The following CTDSPL2 variants were observed in gnomAD, a reference collection of about 807,000 sequenced individuals.
CTDSPL2 encodes CTD small phosphatase-like protein 2.
A neutral mutation model predicts 60.0 loss-of-function variants in CTDSPL2; 5 were observed. That is an observed-to-expected ratio of 0.08 (90% CI 0.04 to 0.18). CTDSPL2 has a LOEUF of 0.18. CTDSPL2 is among the 10% of genes least tolerant of loss of function. The pLI is 1.00. For missense variants in CTDSPL2, 370 were observed against 548.8 expected, an observed-to-expected ratio of 0.67 and a Z score of 3.26; for synonymous variants, 186 against 189.3, an observed-to-expected ratio of 0.98 and a Z score of 0.14.
chr15:44,506,009 T>G lies in CTDSPL2; in HGVS notation c.969+6196T>G, dbSNP rs889786070. Among the ~76,000 whole-genome samples the G allele has an allele frequency of 2.2e-4, 33 of 151,354 alleles. 1 individual carries two copies. Among genetic ancestry groups the G allele is most frequent in the Admixed American group, 1.5e-3 (22 of 15,172 alleles). The stretch of plus-strand genomic sequence containing the variant: ...TGGCCAATTTTTCCCTGATGAAAAT[T>G]ATGCTTCATTGGTAACTTTTTTTTT... On this transcript the variant is annotated intron_variant, in intron 8 of 12. Transcript: ENST00000260327.
At chr15:44,502,475 C>T (rs2081396296) in intron 8 of CTDSPL2, among the ~76,000 whole-genome samples, 1 of 151,982 alleles carries the variant, frequency 6.6e-6, no homozygotes, top group Admixed American at 6.6e-5. Flanking sequence ...GGGTTGGCAA[C>T]CTTTTTCTAT....
At chr15:44,457,889 G>A (rs2080482104) in intron 1 of CTDSPL2, among the ~76,000 whole-genome samples, 3 of 152,204 alleles carry the variant, frequency 2.0e-5, no homozygotes, top group Admixed American at 6.5e-5. Flanking sequence ...TGGGATTACA[G>A]GTGTGAGCCA....
At chr15:44,442,437 ACT>A (rs1233831173) in intron 1 of CTDSPL2, among the ~76,000 whole-genome samples, 1 of 146,300 alleles carries the variant, frequency 6.8e-6, no homozygotes, top group Admixed American at 6.9e-5. Context: ...ACAGAGCAAG[ACT>A]CTGTCTCAAA....
intron 8 of CTDSPL2, among the ~76,000 whole-genome samples, chr15:44,502,760 A>C (rs1190763899): frequency 6.6e-6 from 1 of 152,168 alleles, no homozygotes; most frequent in African/African-American, 2.4e-5. Context: ...AATTCTTGTA[A>C]ATGTATGTAG....
intron 2 of CTDSPL2, among the ~76,000 whole-genome samples, chr15:44,476,327 A>G (rs1218187635): frequency 6.6e-6 from 1 of 152,204 alleles, no homozygotes; most frequent in South Asian, 2.1e-4. Context: ...TGGCCTCCCA[A>G]AGTGCTGGGA....
At position 44,524,778 on chromosome 15, in the gene CTDSPL2, C is replaced by G. The variant is rs1459505912; in HGVS notation, c.*604C>G. ...ATTATACATTTGAATGGCCGTTTTCCTGCTTTGTCTGCCTGCACATTGTAT... is the reference window on the plus strand; with the variant it reads ...ATTATACATTTGAATGGCCGTTTTCGTGCTTTGTCTGCCTGCACATTGTAT... On this transcript the variant is annotated 3_prime_UTR_variant, in exon 13 of 13. Transcript: ENST00000260327. The G allele has an allele frequency of 6.6e-6, 1 of 152,510 alleles. No individual in the cohort carries two copies. The highest frequency in any genetic ancestry group is 2.4e-5 in the African/African-American group (1 of 41,394). 9.4% of individuals were successfully genotyped at this position (152,510 alleles called of 1,614,324 possible).
At chr15:44,427,823 C>T (rs147982201) in intron 1 of CTDSPL2, 51 bp downstream of exon 1, 1 of 397,808 alleles carries the variant, frequency 2.5e-6, no homozygotes, top group East Asian at 3.6e-5. Flanking sequence ...CAGTCCTCCT[C>T]CTCTTCCAGG....
At position 44,486,737 on chromosome 15, in the gene CTDSPL2, T is replaced by A. The variant is rs200872283; in HGVS notation, c.475+37T>A. ...CTGTTAACTGTGATTTGGATTTTTT[T>A]TAAAAAAATGCATAGTTTGGGTTTT... On this transcript the variant is annotated intron_variant, in intron 4 of 12. Transcript: ENST00000260327. 6.6e-4 allele frequency: 899 copies of A among 1,352,042 alleles called. 3 individuals carry two copies. Among genetic ancestry groups the A allele is most frequent in the South Asian group, 7.7e-4 (54 of 70,408 alleles). The allele number at this position is 1,352,042 out of a possible 1,614,324, so 83.8% of individuals were successfully genotyped here.
intron 5 of CTDSPL2, 46 bp from the exon 6 acceptor site, chr15:44,496,334 A>T (rs201132878): frequency 1.7e-6 from 2 of 1,198,618 alleles, no homozygotes; most frequent in Non-Finnish European, 2.5e-6. Flanking sequence ...ATATTTCATG[A>T]AGCATTAAGT....
At chr15:44,457,606 G>T (rs1010128324) in intron 1 of CTDSPL2, among the ~76,000 whole-genome samples, 1 of 151,832 alleles carries the variant, frequency 6.6e-6, no homozygotes, top group African/African-American at 2.4e-5. Flanking sequence ...GGTTGGGGGG[G>T]GTGGTGCGGG....
intron 1 of CTDSPL2, among the ~76,000 whole-genome samples, chr15:44,444,836 GTTTTTTTT>G (rs35160726): frequency 1.9e-4 from 13 of 69,610 alleles, no homozygotes; most frequent in African/African-American, 6.7e-4. Context: ...ATGGAATGTA[GTTTTTTTT>G]TTTTTTTTTT....
intron 8 of CTDSPL2, among the ~76,000 whole-genome samples, chr15:44,509,049 A>G (rs1239079280): frequency 6.6e-6 from 1 of 152,234 alleles, no homozygotes; most frequent in East Asian, 1.9e-4. Flanking sequence ...ATATTAGATT[A>G]AGGTTTGATA....
At chr15:44,460,686 T>G (rs1216769113) in intron 2 of CTDSPL2, among the ~76,000 whole-genome samples, 1 of 152,104 alleles carries the variant, frequency 6.6e-6, no homozygotes, top group Non-Finnish European at 1.5e-5. Context: ...GGGTTTTAAT[T>G]TTTGTTTTGG....
chr15:44,484,486 A>G (rs2081084641), intron 3 of CTDSPL2, 124 bp downstream of exon 3: 1 of 919,690 alleles, frequency 1.1e-6, no homozygotes, highest in Admixed American at 2.8e-5. Context: ...TGTAATCCTC[A>G]CATTTTGGGA....
intron 3 of CTDSPL2, among the ~76,000 whole-genome samples, chr15:44,484,929 A>G (rs1024863213): frequency 3.3e-5 from 5 of 152,206 alleles, no homozygotes; most frequent in Non-Finnish European, 5.9e-5. Flanking sequence ...TTGAACATCT[A>G]AATAAACTCA....
intron 10 of CTDSPL2, among the ~76,000 whole-genome samples, chr15:44,516,386 G>A (rs2140868298): frequency 6.6e-6 from 1 of 152,148 alleles, no homozygotes; most frequent in East Asian, 1.9e-4. Context: ...TATACTGAAA[G>A]GCTTTTCCTA....
chr15:44,440,016 C>G (rs2080052667), intron 1 of CTDSPL2, among the ~76,000 whole-genome samples: 1 of 151,980 alleles, frequency 6.6e-6, no homozygotes, highest in Admixed American at 6.6e-5. Flanking sequence ...CCATTTGGGC[C>G]TGGAGTTTTC....
intron 2 of CTDSPL2, among the ~76,000 whole-genome samples, chr15:44,480,893 G>A (rs191643059): frequency 6.6e-6 from 1 of 152,172 alleles, no homozygotes; most frequent in South Asian, 2.1e-4. Flanking sequence ...ACTGTATTTA[G>A]TGAAACAGCT....
chr15:44,513,255 C>A (rs1448603719), intron 8 of CTDSPL2, among the ~76,000 whole-genome samples: 1 of 152,076 alleles, frequency 6.6e-6, no homozygotes, highest in Non-Finnish European at 1.5e-5. Context: ...CACCTGAGGT[C>A]AGGAGTTTGA....
Sources: gnomAD v4.1 joint callset for allele counts (sites outside exome capture counted in the v4.1 genomes callset) on GRCh38, gnomAD v4.1.1 for gene constraint, MANE v1.5 for transcripts, NCBI Gene and HGNC (gene_info 2026-07-23, HGNC 2026-07-21) for gene names.